AFF1: variants seen among roughly 807,000 people sequenced by gnomAD.
AFF1 encodes AF4/FMR2 family member 1.
AFF1 carries 48 observed loss-of-function variants against 121.7 expected under a neutral mutation model. The observed-to-expected ratio is 0.39, with a 90% CI of 0.31 to 0.50. The LOEUF (loss-of-function observed/expected upper bound fraction) is 0.50, where lower values mean the gene tolerates loss of function less well. Among genes scored for constraint, AFF1 ranks in the 20% least tolerant of loss-of-function variants. AFF1 has a pLI of 0.76. For missense variants in AFF1, 1,523 were observed against 1,511.7 expected (o/e 1.01, Z -0.12); for synonymous variants, 613 against 563.0 (o/e 1.09, Z -1.26).
chr4:87,106,521 T>C (rs1029968025), intron 10 of AFF1, among the ~76,000 whole-genome samples: 20 of 152,252 alleles, frequency 1.3e-4, no homozygotes, highest in Admixed American at 6.5e-4. Context: ...CTCAGTTATT[T>C]CCAGAACTTC....
rs114528699 is a variant in AFF1 at position 87,078,225 on chromosome 4, A to C, written c.1060-5895A>C. Among the ~76,000 whole-genome samples, 794 of 152,318 alleles carry C rather than the reference A, an allele frequency of 5.2e-3. 6 individuals carry two copies. Among genetic ancestry groups the C allele is most frequent in the African/African-American group, 0.018 (752 of 41,572 alleles). ...AGGGAGAAAACAATGCAAAACAATT[A>C]TCTTTTTGTCTCTTTTATGTTTATT... On this transcript the variant is annotated intron_variant, in intron 4 of 20. Transcript: ENST00000395146.
chr4:87,006,846 C>T (rs1314743798), intron 2 of AFF1: 3 of 569,692 alleles, frequency 5.3e-6, no homozygotes, highest in Non-Finnish European at 2.3e-6. Flanking sequence ...CTGCCCCCTA[C>T]CCGACCCTGC....
chr4:86,995,594 G>A (rs1229790340), intron 2 of AFF1, among the ~76,000 whole-genome samples: 6 of 151,428 alleles, frequency 4.0e-5, no homozygotes, highest in Admixed American at 3.3e-4. Context: ...GATTGCAGAC[G>A]GAGTCTCCTT....
intron 4 of AFF1, among the ~76,000 whole-genome samples, chr4:87,048,538 A>T (rs1279572069): frequency 6.6e-6 from 1 of 152,240 alleles, no homozygotes; most frequent in Non-Finnish European, 1.5e-5. Context: ...TATTGTATAA[A>T]CATTCTAATT....
At chr4:86,968,703 G>A (rs190242208) in intron 2 of AFF1, among the ~76,000 whole-genome samples, 1 of 152,208 alleles carries the variant, frequency 6.6e-6, no homozygotes, top group African/African-American at 2.4e-5. Context: ...GGACGGAAGA[G>A]GGGGAGAAAC....
intron 2 of AFF1, among the ~76,000 whole-genome samples, chr4:87,039,669 C>T (rs1186914377): frequency 1.3e-5 from 2 of 152,164 alleles, no homozygotes; most frequent in African/African-American, 4.8e-5. Flanking sequence ...TTGATGAATT[C>T]TGTAGAGATC....
chr4:87,090,106 C>A, intron 6 of AFF1, 36 bp downstream of exon 6: 2 of 1,541,604 alleles, frequency 1.3e-6, no homozygotes, highest in South Asian at 1.1e-5. Flanking sequence ...ATTGCATCCA[C>A]CTTAGTGAAA....
At chr4:87,053,930 A>G (rs1418648184) in intron 4 of AFF1, among the ~76,000 whole-genome samples, 1 of 152,222 alleles carries the variant, frequency 6.6e-6, no homozygotes, top group African/African-American at 2.4e-5. Flanking sequence ...TATTTGAATG[A>G]GAGCTGAAGG....
intron 2 of AFF1, chr4:87,020,846 T>G: frequency 1.0e-6 from 1 of 984,752 alleles, no homozygotes; most frequent in Non-Finnish European, 1.2e-6. Context: ...ATTGTCCTGT[T>G]TGGCAATATT....
At chr4:86,964,781 T>G (rs1222416323) in intron 2 of AFF1, among the ~76,000 whole-genome samples, 1 of 152,224 alleles carries the variant, frequency 6.6e-6, no homozygotes, top group Non-Finnish European at 1.5e-5. Flanking sequence ...TTACTATTTT[T>G]AAATATTAAA....
intron 2 of AFF1, among the ~76,000 whole-genome samples, chr4:87,038,425 A>AG (rs1255066138): frequency 1.3e-5 from 2 of 152,152 alleles, no homozygotes; most frequent in African/African-American, 4.8e-5. Flanking sequence ...TTGTGCTTGG[A>AG]GGTATGTTGA....
At chr4:87,105,896 C>T in intron 10 of AFF1, 51 bp downstream of exon 10, 2 of 1,593,612 alleles carry the variant, frequency 1.3e-6, no homozygotes, top group Non-Finnish European at 8.6e-7. Context: ...AATTTTTTAC[C>T]AAATGGGAAA....
intron 4 of AFF1, among the ~76,000 whole-genome samples, chr4:87,078,687 T>G (rs1722900575): frequency 6.6e-6 from 1 of 152,144 alleles, no homozygotes; most frequent in Non-Finnish European, 1.5e-5. Flanking sequence ...CTTATCTAAC[T>G]AGCGAGTTGG....
At position 87,045,443 on chromosome 4, in the gene AFF1, G is replaced by A. The variant is rs114763339; in HGVS notation, c.39-723G>A. 2.6e-3 allele frequency among the ~76,000 whole-genome samples: 397 copies of A among 151,868 alleles called. 4 individuals carry two copies. The highest frequency in any genetic ancestry group is 7.3e-3 in the South Asian group (35 of 4,796). On this transcript the variant is annotated intron_variant, in intron 2 of 20. Coordinates refer to ENST00000395146, the MANE Select transcript of AFF1 (RefSeq NM_001166693.3). ...GGTCTCCATCTCTGATTTGTTTCTC[G>A]GTGAATGCCGTTTAACCCCTTTAGT... is the stretch of plus-strand genomic sequence containing the variant.
At chr4:86,971,131 T>C (rs1046051053) in intron 2 of AFF1, among the ~76,000 whole-genome samples, 5 of 152,076 alleles carry the variant, frequency 3.3e-5, no homozygotes, top group Non-Finnish European at 7.4e-5. Context: ...TTGCAGTGGA[T>C]GGGGATTATC....
chr4:87,009,094 AAAAAT>A (rs1726465058), intron 2 of AFF1, among the ~76,000 whole-genome samples: 1 of 152,240 alleles, frequency 6.6e-6, no homozygotes, highest in African/African-American at 2.4e-5. Context: ...AACTAATGAT[AAAAAT>A]AAAATGAGAC....
chr4:87,001,136 A>AT (rs141681082), intron 2 of AFF1, among the ~76,000 whole-genome samples: 6,663 of 143,668 alleles, frequency 0.046, 485 homozygotes, highest in African/African-American at 0.16. Context: ...CCTCAGAGGT[A>AT]TTACACCTGG....
At position 87,135,431 on chromosome 4, in the gene AFF1, A is replaced by G. The variant is rs560533242; in HGVS notation, c.3536-149A>G. 60 of 806,716 alleles carry G rather than the reference A, an allele frequency of 7.4e-5. 1 individual carries two copies. The highest frequency in any genetic ancestry group is 9.0e-5 in the Non-Finnish European group (50 of 553,272). 50.0% of individuals were successfully genotyped at this position (806,716 alleles called of 1,614,324 possible). A position where few individuals can be genotyped will look rare whatever the true frequency, so the allele number is the denominator to read the frequency against. On this transcript the variant is annotated intron_variant, in intron 20 of 20. Coordinates refer to ENST00000395146, the MANE Select transcript of AFF1 (RefSeq NM_001166693.3). ...TAGTCTAGTGGAGAATTAGCAAGCAATTACAGTAGATTGTGATTTTTTTGA... is the reference window on the plus strand; with the variant it reads ...TAGTCTAGTGGAGAATTAGCAAGCAGTTACAGTAGATTGTGATTTTTTTGA...
At chr4:87,090,096 A>C in intron 6 of AFF1, 26 bp downstream of exon 6, 10 of 1,567,278 alleles carry the variant, frequency 6.4e-6, no homozygotes, top group Non-Finnish European at 7.9e-6. Context: ...TATGGCAGGC[A>C]TTGCATCCAC....
Sources: gnomAD v4.1 joint callset for allele counts (sites outside exome capture counted in the v4.1 genomes callset) on GRCh38, gnomAD v4.1.1 for gene constraint, MANE v1.5 for transcripts, NCBI Gene and HGNC (gene_info 2026-07-23, HGNC 2026-07-21) for gene names.